The following CCDC102B variants were observed in gnomAD, a reference collection of about 807,000 sequenced individuals.
CCDC102B encodes coiled-coil domain containing 102B.
A neutral mutation model predicts 57.4 loss-of-function variants in CCDC102B; 75 were observed. The ratio of observed to expected loss-of-function variants is 1.31; its 90% CI spans 1.08 to 1.58. The LOEUF (loss-of-function observed/expected upper bound fraction) is 1.58, where lower values mean the gene tolerates loss of function less well. CCDC102B is among the 40% of genes most tolerant of loss of function. CCDC102B has a pLI of 0.00. For missense variants in CCDC102B, 636 were observed against 582.6 expected, an observed-to-expected ratio of 1.09 and a Z score of -0.94; for synonymous variants, 206 against 201.9, an observed-to-expected ratio of 1.02 and a Z score of -0.17.
At chr18:68,735,226 ATT>A (rs5825870) in intron 2 of CCDC102B, among the ~76,000 whole-genome samples, 334 of 148,246 alleles carry the variant, frequency 2.3e-3, no homozygotes, top group Non-Finnish European at 3.0e-3. Flanking sequence ...TAATTTTTGT[ATT>A]TTTTTTTTTT....
intron 1 of CCDC102B, among the ~76,000 whole-genome samples, chr18:68,809,429 T>A (rs2036159877): frequency 6.6e-6 from 1 of 152,194 alleles, no homozygotes; most frequent in Non-Finnish European, 1.5e-5. Flanking sequence ...TGGAATTCTG[T>A]TTTTTCCAGT....
In CCDC102B at chr18:68,998,967, CAT is replaced by C. The variant is rs377246950; in HGVS notation, c.1264-11935_1264-11934del. Among the ~76,000 whole-genome samples, 457 of 91,930 alleles carry C rather than the reference CAT, an allele frequency of 5.0e-3. 5 individuals are homozygous for C. The highest frequency in any genetic ancestry group is 0.021 in the East Asian group (58 of 2,802). 60.3% of individuals were successfully genotyped at this position (91,930 alleles called of 152,430 possible). ...TCAATGTTAATAATCACATAATCAT[CAT>C]ATATATATATATATATATATATATA... On this transcript the variant is annotated intron_variant, in intron 6 of 7. Transcript: ENST00000360242.
intron 3 of CCDC102B, among the ~76,000 whole-genome samples, chr18:68,840,551 A>G (rs2037583986): frequency 6.6e-6 from 1 of 152,234 alleles, no homozygotes; most frequent in Non-Finnish European, 1.5e-5. Context: ...AACCAACATT[A>G]GTAGAAAACA....
intron 7 of CCDC102B, among the ~76,000 whole-genome samples, chr18:69,040,460 G>C (rs1295658749): frequency 6.6e-6 from 1 of 151,146 alleles, no homozygotes; most frequent in African/African-American, 2.4e-5. Flanking sequence ...TGTTAAATTT[G>C]ACTCTGTGGC....
intron 4 of CCDC102B, among the ~76,000 whole-genome samples, chr18:68,857,604 G>C (rs1208644581): frequency 1.3e-5 from 2 of 150,456 alleles, no homozygotes; most frequent in Non-Finnish European, 3.0e-5. Flanking sequence ...TGTATGAATA[G>C]CTATATAGTT....
intron 7 of CCDC102B, among the ~76,000 whole-genome samples, chr18:69,017,986 T>C (rs1470718848): frequency 6.6e-6 from 1 of 150,824 alleles, no homozygotes; most frequent in East Asian, 2.0e-4. Context: ...TTTTTAAGGC[T>C]AAATATTTCT....
At chr18:68,969,336 G>A (rs2050240816) in intron 6 of CCDC102B, among the ~76,000 whole-genome samples, 1 of 152,120 alleles carries the variant, frequency 6.6e-6, no homozygotes, top group Non-Finnish European at 1.5e-5. Context: ...GTGTCTGAAG[G>A]TTTTTCCTAA....
At chr18:68,763,746 CA>C (rs1178696753) in intron 2 of CCDC102B, among the ~76,000 whole-genome samples, 4 of 134,728 alleles carry the variant, frequency 3.0e-5, no homozygotes, top group Non-Finnish European at 4.6e-5. Context: ...TCAATACAGA[CA>C]AATATTCCTC....
intron 2 of CCDC102B, among the ~76,000 whole-genome samples, chr18:68,765,373 G>GAA (rs1363325904): frequency 8.3e-6 from 1 of 119,790 alleles, no homozygotes; most frequent in African/African-American, 3.2e-5. Flanking sequence ...AAGAAAGAAA[G>GAA]AAAGAAAAGA....
intron 6 of CCDC102B, among the ~76,000 whole-genome samples, chr18:68,960,823 C>G (rs1253194668): frequency 1.3e-5 from 2 of 152,170 alleles, no homozygotes; most frequent in Non-Finnish European, 2.9e-5. Flanking sequence ...CTCACAATCA[C>G]TGTACCCTCT....
chr18:68,832,196 CT>C (rs1436985568), intron 1 of CCDC102B, among the ~76,000 whole-genome samples: 1 of 152,058 alleles, frequency 6.6e-6, no homozygotes, highest in Non-Finnish European at 1.5e-5. Flanking sequence ...TTTTTAATGT[CT>C]CTTTTATCCT....
At chr18:68,966,072 A>T (rs1212065959) in intron 6 of CCDC102B, among the ~76,000 whole-genome samples, 5 of 152,280 alleles carry the variant, frequency 3.3e-5, no homozygotes, top group Admixed American at 2.6e-4. Context: ...GGTCTCCACG[A>T]ACACTGTGGT....
In CCDC102B at chr18:68,874,424, T is replaced by G. The variant is rs556928719; in HGVS notation, c.937-245T>G. On this transcript the variant is annotated intron_variant, in intron 4 of 7. Coordinates refer to ENST00000360242, the MANE Select transcript of CCDC102B (RefSeq NM_024781.3). ...TGGAGGTAACTGAGTTATGCCTATT[T>G]TTCAACTGATAAATTGGGATTTATG... Among the ~76,000 whole-genome samples, 45 of 151,770 alleles carry G rather than the reference T, an allele frequency of 3.0e-4. 1 individual carries two copies. Among genetic ancestry groups the G allele is most frequent in the Middle Eastern group, 6.8e-3 (2 of 294 alleles).
At chr18:68,936,796 C>T (rs1216817005) in intron 6 of CCDC102B, among the ~76,000 whole-genome samples, 6 of 150,358 alleles carry the variant, frequency 4.0e-5, no homozygotes, top group Admixed American at 1.3e-4. Flanking sequence ...TATACATACA[C>T]ATATATACAT....
chr18:68,730,732 A>G (rs1033476004), intron 2 of CCDC102B, among the ~76,000 whole-genome samples: 1 of 152,322 alleles, frequency 6.6e-6, no homozygotes, highest in South Asian at 2.1e-4. Flanking sequence ...GATGTCTCAT[A>G]TATCTTCATC....
At chr18:68,826,819 C>G in intron 1 of CCDC102B, among the ~76,000 whole-genome samples, 1 of 152,000 alleles carries the variant, frequency 6.6e-6, no homozygotes, top group East Asian at 1.9e-4. Context: ...TTATTAGCAC[C>G]TGATTGATCA....
intron 1 of CCDC102B, among the ~76,000 whole-genome samples, chr18:68,818,132 G>A (rs1252360076): frequency 1.3e-5 from 2 of 150,644 alleles, no homozygotes; most frequent in Non-Finnish European, 2.9e-5. Flanking sequence ...TTTTCTTTTG[G>A]AGGAAAATGT....
At chr18:68,815,321 A>G (rs921545222) in intron 1 of CCDC102B, among the ~76,000 whole-genome samples, 2 of 152,188 alleles carry the variant, frequency 1.3e-5, no homozygotes, top group African/African-American at 4.8e-5. Context: ...ATGGAATAAC[A>G]TCACTTGTTA....
intron 1 of CCDC102B, among the ~76,000 whole-genome samples, chr18:68,827,991 A>G (rs953165763): frequency 6.6e-6 from 1 of 151,968 alleles, no homozygotes; most frequent in Non-Finnish European, 1.5e-5. Flanking sequence ...GGGAAATTTC[A>G]TAATGATAAA....
Sources: gnomAD v4.1 joint callset for allele counts (sites outside exome capture counted in the v4.1 genomes callset) on GRCh38, gnomAD v4.1.1 for gene constraint, MANE v1.5 for transcripts, NCBI Gene and HGNC (gene_info 2026-07-23, HGNC 2026-07-21) for gene names.